The following PRR16 variants were observed in gnomAD, a reference collection of about 807,000 sequenced individuals.
PRR16 encodes the protein proline rich 16.
Under a neutral mutation model 18.2 loss-of-function variants are expected in PRR16, and 6 were observed. That is an observed-to-expected ratio of 0.33 (90% CI 0.18 to 0.65). PRR16 has a LOEUF of 0.65. PRR16 is among the 30% of genes least tolerant of loss of function. The pLI is 0.74. For missense variants in PRR16, 412 were observed against 376.6 expected (o/e 1.09, Z -0.78); for synonymous variants, 151 against 147.8 (o/e 1.02, Z -0.16).
chr5:120,775,813 T>C, the PRR16 span, among the ~76,000 whole-genome samples: 2 of 145,718 alleles, frequency 1.4e-5, no homozygotes, highest in African/African-American at 2.5e-5. Flanking sequence ...TTTTTTTTTT[T>C]TTTTTTGTAT....
At chr5:120,660,982 G>C (rs1429491728) in intron 1 of PRR16, among the ~76,000 whole-genome samples, 1 of 152,032 alleles carries the variant, frequency 6.6e-6, no homozygotes, top group African/African-American at 2.4e-5. Flanking sequence ...TGTTTTCTTA[G>C]ATCTTTGAGA....
At chr5:120,746,462 A>G in the PRR16 span, among the ~76,000 whole-genome samples, 1 of 152,148 alleles carries the variant, frequency 6.6e-6, no homozygotes, top group Non-Finnish European at 1.5e-5. Flanking sequence ...GTATCTTAGT[A>G]AGACTTCTTG....
chr5:120,709,187 T>G, the PRR16 span, among the ~76,000 whole-genome samples: 13 of 151,858 alleles, frequency 8.6e-5, no homozygotes, highest in South Asian at 2.7e-3. Context: ...TTTTGTATTT[T>G]TAGTAGAGAC....
intron 1 of PRR16, among the ~76,000 whole-genome samples, chr5:120,620,115 C>T (rs1293676846): frequency 6.6e-6 from 1 of 152,124 alleles, no homozygotes; most frequent in Non-Finnish European, 1.5e-5. Flanking sequence ...ATTGGCAAGT[C>T]ATGGTAAAGT....
At chr5:120,579,508 G>T (rs181796674) in intron 1 of PRR16, among the ~76,000 whole-genome samples, 1 of 152,080 alleles carries the variant, frequency 6.6e-6, no homozygotes, top group Non-Finnish European at 1.5e-5. Context: ...CTGATTAGGA[G>T]ATCCTTTCCC....
chr5:120,785,620 T>C, the PRR16 span, among the ~76,000 whole-genome samples: 2 of 146,112 alleles, frequency 1.4e-5, no homozygotes, highest in Admixed American at 6.9e-5. Context: ...TCACCCAGGC[T>C]GGAGTGCAGT....
At chr5:120,488,026 C>G (rs531022802) in intron 1 of PRR16, among the ~76,000 whole-genome samples, 4,138 of 152,178 alleles carry the variant, frequency 0.027, 53 homozygotes, top group East Asian at 0.033. Context: ...TAAGCTTTTT[C>G]ATGTGCTACT....
chr5:120,692,908 A>G, the PRR16 span, among the ~76,000 whole-genome samples: 1 of 152,170 alleles, frequency 6.6e-6, no homozygotes, highest in Non-Finnish European at 1.5e-5. Context: ...AGGCATTTTT[A>G]ATTTAAACAC....
At chr5:120,639,708 C>A (rs1245043328) in intron 1 of PRR16, among the ~76,000 whole-genome samples, 1 of 151,718 alleles carries the variant, frequency 6.6e-6, no homozygotes, top group Admixed American at 6.6e-5. Context: ...ATACACTGTG[C>A]AGTCACTGTG....
At chr5:120,691,341 G>C (rs1394840483), downstream of PRR16, among the ~76,000 whole-genome samples, 3 of 152,130 alleles carry the variant, frequency 2.0e-5, no homozygotes, top group Non-Finnish European at 4.4e-5. Context: ...TAATGTGTTT[G>C]ATCTTTGCAG....
At chr5:120,713,041 A>G in the PRR16 span, among the ~76,000 whole-genome samples, 38,203 of 152,112 alleles carry the variant, frequency 0.25, 5,642 homozygotes, top group East Asian at 0.63. Flanking sequence ...ATTATTCACA[A>G]TAGCCAAAAT....
At chr5:120,578,341 T>A (rs1753148833) in intron 1 of PRR16, among the ~76,000 whole-genome samples, 1 of 152,206 alleles carries the variant, frequency 6.6e-6, no homozygotes, top group Non-Finnish European at 1.5e-5. Context: ...CATAGGTATA[T>A]GGGTGCCATG....
chr5:120,678,669 A>G (rs1279609961), intron 1 of PRR16, among the ~76,000 whole-genome samples: 1 of 152,204 alleles, frequency 6.6e-6, no homozygotes, highest in Non-Finnish European at 1.5e-5. Context: ...TTGTTTACCA[A>G]TTCTAATAGT....
At chr5:120,660,420 A>G (rs925639188) in intron 1 of PRR16, among the ~76,000 whole-genome samples, 1 of 152,090 alleles carries the variant, frequency 6.6e-6, no homozygotes, top group Non-Finnish European at 1.5e-5. Flanking sequence ...AATCTCACAT[A>G]TTATAGAATT....
chr5:120,755,644 T>C, the PRR16 span, among the ~76,000 whole-genome samples: 1 of 152,096 alleles, frequency 6.6e-6, no homozygotes, highest in Non-Finnish European at 1.5e-5. Flanking sequence ...GAGGACCACC[T>C]AGGTTGATTT....
intron 1 of PRR16, among the ~76,000 whole-genome samples, chr5:120,634,974 G>A (rs1037035945): frequency 6.6e-6 from 1 of 152,010 alleles, no homozygotes; most frequent in Non-Finnish European, 1.5e-5. Flanking sequence ...AATATGCAAG[G>A]CTACTATGAA....
At chr5:120,464,728 C>A in intron 1 of PRR16, 83 bp downstream of exon 1, 1 of 1,379,204 alleles carries the variant, frequency 7.3e-7, no homozygotes, top group Non-Finnish European at 9.5e-7. Flanking sequence ...CAGGGACAGC[C>A]AGATTTCCAA....
At chr5:120,483,793 A>G (rs1041488811) in intron 1 of PRR16, among the ~76,000 whole-genome samples, 2 of 152,156 alleles carry the variant, frequency 1.3e-5, no homozygotes, top group African/African-American at 2.4e-5. Flanking sequence ...AATATCTCAG[A>G]TAACAAATCT....
chr5:120,670,635 A>T (rs1001689590), intron 1 of PRR16, among the ~76,000 whole-genome samples: 6 of 152,122 alleles, frequency 3.9e-5, no homozygotes, highest in African/African-American at 7.2e-5. Context: ...TCCATTAAGA[A>T]TGCTAGAACT....
Sources: allele counts gnomAD v4.1 joint callset (sites outside exome capture counted in the v4.1 genomes callset), GRCh38; gene constraint gnomAD v4.1.1; transcripts MANE v1.5; gene names NCBI Gene and HGNC (gene_info 2026-07-23, HGNC 2026-07-21).